The following NSMF variants were observed in gnomAD, a reference collection of about 807,000 sequenced individuals.
NSMF encodes the protein nasal embryonic LHRH factor.
Under a neutral mutation model 71.0 loss-of-function variants are expected in NSMF, and 31 were observed. That is an observed-to-expected ratio of 0.44 (90% CI 0.33 to 0.59). The LOEUF is 0.59. NSMF is among the 20% of genes least tolerant of loss of function. The pLI is 0.04. For missense variants in NSMF, 673 were observed against 740.5 expected (o/e 0.91, Z 1.06); for synonymous variants, 345 against 287.1 (o/e 1.20, Z -2.04).
rs931309402 is a variant in NSMF, at chr9:137,448,873, C to T, written c.*521G>A. 6 of 227,692 alleles carry T rather than the reference C, an allele frequency of 2.6e-5. No homozygotes were observed. The highest frequency in any genetic ancestry group is 4.4e-5 in the Non-Finnish European group (5 of 112,910). The allele number at this position is 227,692 out of a possible 1,614,324, so 14.1% of individuals were successfully genotyped here. A position where few individuals can be genotyped will look rare whatever the true frequency, so the allele number is the denominator to read the frequency against. On this transcript the variant is annotated 3_prime_UTR_variant, in exon 16 of 16. Transcript: ENST00000371475. The surrounding 1 kb of genome is among the most constrained non-coding windows in gnomAD (Gnocchi z 5.3). ...GACAGAGCCAGGCTGGGCAGCCCGG[C>T]GACGCTGGCCCCACGCACACGGGCC...
chr9:137,454,842 G>A (rs1409036617), intron 6 of NSMF: 2 of 1,138,188 alleles, frequency 1.8e-6, no homozygotes, highest in Admixed American at 5.8e-5. Context: ...CGGGCTGGGG[G>A]CCTGCAGGAG....
chr9:137,455,463 C>A (rs996020788), intron 5 of NSMF, 156 bp from the exon 6 acceptor site: 1 of 1,139,730 alleles, frequency 8.8e-7, no homozygotes, highest in Non-Finnish European at 1.3e-6. Flanking sequence ...GGCCCAGCTC[C>A]CAGCAGGCCC....
Position 137,449,065 on chromosome 9 carries a change from G to A in NSMF, c.*329C>T. 1 of 483,710 alleles carries A rather than the reference G, an allele frequency of 2.1e-6. No individual in the cohort carries two copies. The highest frequency in any genetic ancestry group is 2.1e-5 in the South Asian group (1 of 47,244). The allele number at this position is 483,710 out of a possible 1,614,324, so 30.0% of individuals were successfully genotyped here. A position where few individuals can be genotyped will look rare whatever the true frequency, so the allele number is the denominator to read the frequency against. On this transcript the variant is annotated 3_prime_UTR_variant, in exon 16 of 16. Coordinates refer to ENST00000371475, the MANE Select transcript of NSMF (RefSeq NM_001130969.3). ...CTTCCCTTTGAATTGTTTCGGGGGTGTAGAAATTGCACTTATTTCTATGAA... is the reference window on the plus strand; with the variant it reads ...CTTCCCTTTGAATTGTTTCGGGGGTATAGAAATTGCACTTATTTCTATGAA...
chr9:137,452,446 G>A lies in NSMF; in HGVS notation c.1166-11C>T, dbSNP rs1830582235. On this transcript the variant is annotated splice_polypyrimidine_tract_variant and intron_variant, in intron 11 of 15. Coordinates refer to ENST00000371475, the MANE Select transcript of NSMF (RefSeq NM_001130969.3). ...TCCTCTCTATCTCCTCTGTGGGAGAGCGGGTGTGAGTGCTGCGGCCCCCAC... is the reference window on the plus strand; with the variant it reads ...TCCTCTCTATCTCCTCTGTGGGAGAACGGGTGTGAGTGCTGCGGCCCCCAC... 1.2e-6 allele frequency: 2 copies of A among 1,612,308 alleles called. No individual in the cohort carries two copies. The highest frequency in any genetic ancestry group is 2.2e-5 in the East Asian group (1 of 44,780).
chr9:137,457,654 C>G lies in NSMF; in HGVS notation c.381G>C (p.Arg127=). Residue 127 remains arginine (R), a synonymous_variant, in exon 3 of 16, where the codon CGG becomes CGC. Coordinates refer to ENST00000371475, the MANE Select transcript of NSMF (RefSeq NM_001130969.3). ...EAIELAVVKG[R]RQRHPHHHSQ... is the part of the protein sequence containing the mutation. ...TGTGATGGTGAGGGTGCCGCTGCCG[C>G]CGCCCCTTCACCACCGCCAGCTCAA... The G allele has an allele frequency of 1.9e-6, 3 of 1,549,602 alleles. No homozygotes were observed. The highest frequency in any genetic ancestry group is 2.6e-6 in the Non-Finnish European group (3 of 1,146,488).
At chr9:137,456,261 C>T in intron 4 of NSMF, 150 bp downstream of exon 4, 1 of 754,370 alleles carries the variant, frequency 1.3e-6, no homozygotes, top group Non-Finnish European at 2.4e-6. Context: ...CAGCCCTGGC[C>T]TCCCTGGCAG....
intron 2 of NSMF, 145 bp downstream of exon 2, chr9:137,458,343 G>A: frequency 1.3e-6 from 1 of 753,264 alleles, no homozygotes; most frequent in Admixed American, 2.1e-5. Context: ...GGCAGGGAGG[G>A]CAGGGGATGT....
At chr9:137,451,186 C>T (rs536303669) in intron 12 of NSMF, among the ~76,000 whole-genome samples, 69 of 14,406 alleles carry the variant, frequency 4.8e-3, no homozygotes, top group Non-Finnish European at 9.1e-3. Context: ...CTTGGTCTTC[C>T]CCACCACACG....
At chr9:137,458,638 C>T in intron 1 of NSMF, 89 bp from the exon 2 acceptor site, 1 of 1,281,076 alleles carries the variant, frequency 7.8e-7, no homozygotes, top group Non-Finnish European at 1.1e-6. Flanking sequence ...CGGTCCCCAG[C>T]CAGGCCCTCG....
At chr9:137,450,972 C>A (rs1187877010) in intron 12 of NSMF, among the ~76,000 whole-genome samples, 1 of 16,238 alleles carries the variant, frequency 6.2e-5, no homozygotes. Flanking sequence ...CTCGTCTCTT[C>A]CCCTTGATCT....
At chr9:137,455,472 C>G in intron 5 of NSMF, 157 bp downstream of exon 5, 1 of 1,140,962 alleles carries the variant, frequency 8.8e-7, no homozygotes, top group East Asian at 2.6e-5. Context: ...CCCAGCAGGC[C>G]CTGCTGCGAC....
Position 137,458,512 on chromosome 9 carries a change from G to A in NSMF, c.109C>T (p.His37Tyr). ...RAFGEYLSQS[H>Y]PENRNGADHL... ...CCTGCGCCGTTGCGGTTCTCAGGGT[G>A]ACTCTGGGACAGGTACTCTCCAAAC... is the stretch of plus-strand genomic sequence containing the variant. Residue 37 changes from histidine to tyrosine, a missense_variant, in exon 2 of 16, where the codon CAC becomes TAC. His to Tyr is a moderately conservative substitution (Grantham distance 83). This residue lies in a region of NSMF where 471 missense variants were observed against 459.6 expected (regional missense o/e 1.02). Coordinates refer to ENST00000371475, the MANE Select transcript of NSMF (RefSeq NM_001130969.3). The A allele has an allele frequency of 6.9e-6, 11 of 1,597,812 alleles. No individual in the cohort carries two copies. The highest frequency in any genetic ancestry group is 1.1e-5 in the South Asian group (1 of 88,912).
intron 6 of NSMF, chr9:137,454,719 G>T: frequency 6.7e-7 from 1 of 1,502,692 alleles, no homozygotes; most frequent in Non-Finnish European, 8.9e-7. Context: ...CCCAGGCTCT[G>T]ACCTTCCGTC....
rs1390340610 is a variant in NSMF, at chr9:137,457,606, A to AGGGCTGGCGCGCAG, written c.415_428dup (p.Gly144CysfsTer119). 6.4e-7 allele frequency: 1 copy of AGGGCTGGCGCGCAG among 1,554,504 alleles called. No individual in the cohort carries two copies. Among genetic ancestry groups the AGGGCTGGCGCGCAG allele is most frequent in the Non-Finnish European group, 8.7e-7 (1 of 1,149,194 alleles). Reference sequence around the variant, plus strand: ...TGCTGACGTCCTCCCGGCTGCCACCAGGGCTGGCGCGCAGGGGCTGGCTGT... The same window carrying AGGGCTGGCGCGCAG: ...TGCTGACGTCCTCCCGGCTGCCACCAGGGCTGGCGCGCAGGGGCTGGCGCGCAGGGGCTGGCTGT... On this transcript the variant is annotated frameshift_variant, in exon 3 of 16. Coordinates refer to ENST00000371475, the MANE Select transcript of NSMF (RefSeq NM_001130969.3). LOFTEE classifies it high-confidence loss of function.
chr9:137,454,263 G>C, intron 7 of NSMF, 128 bp downstream of exon 7: 2 of 917,384 alleles, frequency 2.2e-6, no homozygotes, highest in South Asian at 2.8e-5. Flanking sequence ...GGCTGGAAGG[G>C]GAGGAGCCTG....
chr9:137,455,156 G>A, intron 6 of NSMF, 83 bp downstream of exon 6: 4 of 1,446,782 alleles, frequency 2.8e-6, no homozygotes, highest in Non-Finnish European at 1.9e-6. Flanking sequence ...TCCCCCATCA[G>A]GTCTGCCAGG....
Position 137,453,751 on chromosome 9 carries a change from G to C in NSMF, c.902C>G (p.Thr301Ser). Residue 301 changes from threonine (T) to serine (S), a missense_variant, in exon 8 of 16, where the codon ACT (threonine) becomes AGT (serine). Physicochemically the swap from Thr to Ser is moderately conservative, Grantham distance 58 (BLOSUM62 1). This residue lies in a region of NSMF where 471 missense variants were observed against 459.6 expected (regional missense o/e 1.02). Transcript: ENST00000371475. The surrounding 1 kb of genome is among the most constrained non-coding windows in gnomAD (Gnocchi z 4.5). ...CCTACTGTCTCGGGAGTCGTGGGAA[G>C]TGTCGGCTTTCATGGGGGTGGGGTC... ...WSDPTPMKAD[T>S]SHDSRDSSDL... is the part of the protein sequence containing the mutation. 4 of 1,602,684 alleles carry C rather than the reference G, an allele frequency of 2.5e-6. No homozygotes were observed. In the South Asian group the frequency reaches 4.4e-5, roughly 18 times the overall value.
rs147798250 is a variant in NSMF at position 137,455,732 on chromosome 9, T to G, written c.705-98A>C. On this transcript the variant is annotated intron_variant, in intron 4 of 15. Transcript: ENST00000371475. ...CCCCACCCGGTCCCTACAGTTCCCT[T>G]CTTGTCACTGACCCAATAGGTCCCT... The G allele has an allele frequency of 1.1e-5, 15 of 1,346,194 alleles. No homozygotes were observed. In the East Asian group the frequency reaches 3.8e-4, roughly 34 times the overall value. 83.4% of individuals were successfully genotyped at this position (1,346,194 alleles called of 1,614,324 possible).
intron 4 of NSMF, 95 bp downstream of exon 4, chr9:137,456,316 C>G (rs1830831904): frequency 1.9e-6 from 2 of 1,045,660 alleles, no homozygotes; most frequent in East Asian, 4.7e-5. Flanking sequence ...AAGCAGCCCC[C>G]CTGGTAGGCC....
Sources: allele counts gnomAD v4.1 joint callset (sites outside exome capture counted in the v4.1 genomes callset), GRCh38; gene constraint gnomAD v4.1.1; regional missense constraint gnomAD v4.1.1; non-coding constraint Gnocchi (gnomAD v3.1); transcripts MANE v1.5; gene names NCBI Gene and HGNC (gene_info 2026-07-23, HGNC 2026-07-21).